The following PRKAR1A variants were observed in gnomAD, a reference collection of about 807,000 sequenced individuals.
PRKAR1A encodes the protein protein kinase cAMP-dependent type I regulatory subunit alpha, also known as cAMP-dependent protein kinase type I-alpha regulatory subunit.
PRKAR1A carries 3 observed loss-of-function variants against 52.0 expected under a neutral mutation model. The ratio of observed to expected loss-of-function variants is 0.06; its 90% CI spans 0.03 to 0.15. PRKAR1A has a LOEUF of 0.15. Ranked by LOEUF, PRKAR1A falls within the 10% of genes least tolerant of loss-of-function variation. The probability of loss-of-function intolerance (pLI) is 1.00; values close to 1 mark genes in which losing one functional copy is unlikely to be tolerated. For synonymous variants in PRKAR1A, 188 were observed against 168.4 expected (o/e 1.12, Z -0.90); for missense variants, 240 against 477.4 (o/e 0.50, Z 4.63).
At chr17:68,516,290 A>G (rs2085431136) in intron 2 of PRKAR1A, among the ~76,000 whole-genome samples, 1 of 152,162 alleles carries the variant, frequency 6.6e-6, no homozygotes, top group East Asian at 1.9e-4. Flanking sequence ...ATTGAAGCAA[A>G]TGAATGCTTC....
chr17:68,447,108 A>G, the PRKAR1A span, among the ~76,000 whole-genome samples: 1 of 152,288 alleles, frequency 6.6e-6, no homozygotes, highest in African/African-American at 2.4e-5. Context: ...TATAAGCAAT[A>G]ACTCCTTTTA....
the PRKAR1A span, chr17:68,420,099 A>T: frequency 6.9e-7 from 1 of 1,442,790 alleles, no homozygotes; most frequent in Non-Finnish European, 9.5e-7. Context: ...GGTATGTTTG[A>T]ATTAATGTAG....
At chr17:68,523,619 T>G (rs1197465687) in intron 3 of PRKAR1A, 106 bp from the exon 4 acceptor site, 4 of 857,210 alleles carry the variant, frequency 4.7e-6, no homozygotes, top group Non-Finnish European at 3.9e-6. Context: ...AAAGCAGTCT[T>G]GTTTAAATAC....
chr17:68,508,474 C>T (rs1197202415), upstream of PRKAR1A, among the ~76,000 whole-genome samples: 5 of 152,202 alleles, frequency 3.3e-5, no homozygotes, highest in Admixed American at 3.3e-4. Context: ...GGGAGCTAAA[C>T]ATTGATTACT....
the PRKAR1A span, among the ~76,000 whole-genome samples, chr17:68,471,738 T>C: frequency 6.6e-6 from 1 of 152,194 alleles, no homozygotes; most frequent in Non-Finnish European, 1.5e-5. Flanking sequence ...CCTGACTGTC[T>C]CAGAGGCCCC....
At chr17:68,457,715 G>T in the PRKAR1A span, among the ~76,000 whole-genome samples, 1 of 152,190 alleles carries the variant, frequency 6.6e-6, no homozygotes, top group South Asian at 2.1e-4. Context: ...CCCAAGCCAC[G>T]GCTGGCGGGC....
At chr17:68,548,967 C>T (rs529643858) in intron 11 of PRKAR1A, among the ~76,000 whole-genome samples, 25 of 151,972 alleles carry the variant, frequency 1.6e-4, no homozygotes, top group African/African-American at 5.5e-4. Flanking sequence ...CTCCTGACCT[C>T]GTGATCTGCC....
intron 11 of PRKAR1A, among the ~76,000 whole-genome samples, chr17:68,546,636 CTGGCTA>C (rs1470253663): frequency 6.6e-6 from 1 of 152,046 alleles, no homozygotes; most frequent in East Asian, 1.9e-4. Context: ...CAAGACCATC[CTGGCTA>C]ACACGGTGAA....
Position 68,542,792 on chromosome 17 carries a change from C to T in PRKAR1A, c.974-8292C>T, listed in dbSNP as rs199630924. The T allele has an allele frequency of 2.5e-5, 41 of 1,613,958 alleles. No individual in the cohort carries two copies. In the African/African-American group the frequency reaches 3.2e-4, roughly 13 times the overall value. On this transcript the variant is annotated intron_variant, in intron 11 of 11. Coordinates refer to the PRKAR1A transcript ENST00000585981. ...TATCCTCCCCACTGTTGGCGGCACC[C>T]GTCGGAAGTCCAGAATCCTGCAAGA...
At chr17:68,549,275 G>A (rs1308792570) in intron 11 of PRKAR1A, among the ~76,000 whole-genome samples, 1 of 152,056 alleles carries the variant, frequency 6.6e-6, no homozygotes, top group African/African-American at 2.4e-5. Context: ...CAGGGGAATC[G>A]CCTGAGGTCA....
the PRKAR1A span, among the ~76,000 whole-genome samples, chr17:68,433,768 T>G: frequency 4.7e-4 from 9 of 19,086 alleles, no homozygotes; most frequent in Admixed American, 8.5e-4. Context: ...TAGTTTTTTT[T>G]TTTTTTTTTT....
At chr17:68,430,391 G>A in the PRKAR1A span, among the ~76,000 whole-genome samples, 1 of 152,160 alleles carries the variant, frequency 6.6e-6, no homozygotes, top group Non-Finnish European at 1.5e-5. Context: ...GCTGTTAAAA[G>A]GTTCCCAATG....
At chr17:68,450,586 C>G in the PRKAR1A span, 1 of 1,136,400 alleles carries the variant, frequency 8.8e-7, no homozygotes, top group Non-Finnish European at 1.2e-6. Flanking sequence ...TTACAATACC[C>G]CCGGGACACG....
At chr17:68,537,408 G>A (rs141008010), downstream of PRKAR1A, 254 of 1,596,080 alleles carry the variant, frequency 1.6e-4, no homozygotes, top group African/African-American at 8.3e-4. The surrounding 1 kb of genome is among the most constrained non-coding windows in gnomAD (Gnocchi z 4.2). Context: ...GAGTGAGGAC[G>A]CAGGGTCGGC....
At chr17:68,503,712 T>G in the PRKAR1A span, among the ~76,000 whole-genome samples, 1 of 152,204 alleles carries the variant, frequency 6.6e-6, no homozygotes, top group East Asian at 1.9e-4. Context: ...AATAATCCAA[T>G]TTAAATATGG....
chr17:68,420,777 G>A, the PRKAR1A span: 3 of 345,938 alleles, frequency 8.7e-6, no homozygotes, highest in Non-Finnish European at 1.6e-5. Flanking sequence ...GATTTTGAGG[G>A]TTAAATAAAG....
chr17:68,526,035 A>G, intron 7 of PRKAR1A, 123 bp downstream of exon 7: 1 of 1,247,970 alleles, frequency 8.0e-7, no homozygotes, highest in Non-Finnish European at 1.1e-6. Flanking sequence ...TTCTTTTAAT[A>G]AGCGAATATT....
In PRKAR1A at chr17:68,532,592, G is replaced by T; in HGVS notation, c.*2143G>T. On this transcript the variant is annotated 3_prime_UTR_variant, in exon 11 of 11. Coordinates refer to ENST00000589228, the MANE Select transcript of PRKAR1A (RefSeq NM_002734.5). ...TTAAAAGTCATTATTCCTGGGCTTG[G>T]TAAGTGAATTTATGAGATTTACTGC... 1 of 1,066,196 alleles carries T rather than the reference G, an allele frequency of 9.4e-7. No homozygotes were observed. The allele number at this position is 1,066,196 out of a possible 1,614,324, so 66.0% of individuals were successfully genotyped here.
At chr17:68,536,468 A>G (rs897673069), downstream of PRKAR1A, 1 of 454,108 alleles carries the variant, frequency 2.2e-6, no homozygotes, top group Non-Finnish European at 4.4e-6. Context: ...AATCCCTACT[A>G]CACTTTCTTC....
Sources: allele counts gnomAD v4.1 joint callset (sites outside exome capture counted in the v4.1 genomes callset), GRCh38; gene constraint gnomAD v4.1.1; non-coding constraint Gnocchi (gnomAD v3.1); transcripts MANE v1.5; gene names NCBI Gene and HGNC (gene_info 2026-07-23, HGNC 2026-07-21).